The following MAP2 variants were observed in gnomAD, a reference collection of about 807,000 sequenced individuals.
MAP2 encodes microtubule associated protein 2, also known as microtubule-associated protein 2.
A neutral mutation model predicts 137.6 loss-of-function variants in MAP2; 14 were observed. The ratio of observed to expected loss-of-function variants is 0.10; its 90% CI spans 0.07 to 0.16. The LOEUF is 0.16. Among genes scored for constraint, MAP2 ranks in the 10% least tolerant of loss-of-function variants. MAP2 has a pLI of 1.00. For missense variants in MAP2, 2,088 were observed against 2,191.5 expected, an observed-to-expected ratio of 0.95 and a Z score of 0.94; for synonymous variants, 786 against 782.3, an observed-to-expected ratio of 1.00 and a Z score of -0.08.
rs114544372 is a variant in MAP2 at position 209,680,622 on chromosome 2, G to A, written c.377-128G>A. On this transcript the variant is annotated intron_variant, in intron 6 of 15. Coordinates refer to ENST00000682079, the MANE Select transcript of MAP2 (RefSeq NM_001375505.1). ...ATGGGCCTATAAATAAACCAAATGC[G>A]GCTTACTATTGAATCTTTTTCTGAA... The A allele has an allele frequency of 2.4e-3, 1,785 of 754,026 alleles. 22 individuals carry two copies. The African/African-American group carries it at 0.026, about 11-fold the overall frequency. 46.7% of individuals were successfully genotyped at this position (754,026 alleles called of 1,614,324 possible).
intron 7 of MAP2, among the ~76,000 whole-genome samples, chr2:209,689,050 AAATG>A (rs1255016288): frequency 1.6e-4 from 24 of 152,214 alleles, no homozygotes; most frequent in Non-Finnish European, 2.2e-4. Context: ...CTAAATGAGA[AAATG>A]AAAAGCTAAA....
chr2:209,504,678 T>C (rs535103211), intron 1 of MAP2, among the ~76,000 whole-genome samples: 7 of 152,324 alleles, frequency 4.6e-5, no homozygotes, highest in Admixed American at 2.0e-4. Flanking sequence ...ACGTAAAATT[T>C]AACATTTTAA....
intron 5 of MAP2, among the ~76,000 whole-genome samples, chr2:209,659,380 C>G (rs1184319885): frequency 6.6e-6 from 1 of 152,048 alleles, no homozygotes; most frequent in African/African-American, 2.4e-5. Context: ...CTGGAAGGGA[C>G]CAGTGAGATG....
intron 4 of MAP2, among the ~76,000 whole-genome samples, chr2:209,632,155 C>T (rs1377546882): frequency 3.3e-5 from 5 of 152,138 alleles, no homozygotes. Flanking sequence ...TATGTATTTA[C>T]ACCTTCAATA....
At chr2:209,427,365 A>G (rs543309752) in intron 1 of MAP2, among the ~76,000 whole-genome samples, 65 of 152,332 alleles carry the variant, frequency 4.3e-4, no homozygotes, top group African/African-American at 1.5e-3. Flanking sequence ...TGTCTCTGTT[A>G]TAGATTAGTT....
At chr2:209,620,452 T>C (rs919063153) in intron 3 of MAP2, among the ~76,000 whole-genome samples, 21 of 152,218 alleles carry the variant, frequency 1.4e-4, no homozygotes, top group African/African-American at 5.1e-4. Context: ...AAGTTTCCTT[T>C]GCAAGAAACA....
chr2:209,710,352 G>A, intron 13 of MAP2, 98 bp downstream of exon 13: 1 of 1,047,278 alleles, frequency 9.5e-7, no homozygotes. Flanking sequence ...AAGCAGAGGT[G>A]TTAAAGAGCT....
At chr2:209,558,787 G>A (rs987901181) in intron 2 of MAP2, among the ~76,000 whole-genome samples, 4 of 151,548 alleles carry the variant, frequency 2.6e-5, no homozygotes. Context: ...ATTTTGTGAC[G>A]TTAATGTTTC....
At chr2:209,538,197 A>T (rs1449766902) in intron 2 of MAP2, among the ~76,000 whole-genome samples, 1 of 152,222 alleles carries the variant, frequency 6.6e-6, no homozygotes, top group Non-Finnish European at 1.5e-5. Flanking sequence ...TAAATACTTT[A>T]CAAATGGTTA....
intron 2 of MAP2, among the ~76,000 whole-genome samples, chr2:209,544,788 TA>T (rs1399552167): frequency 7.7e-4 from 117 of 152,224 alleles, no homozygotes; most frequent in Admixed American, 2.0e-4. Flanking sequence ...AATCTGTAAG[TA>T]GTCAGCATTG....
intron 3 of MAP2, among the ~76,000 whole-genome samples, chr2:209,595,075 C>T (rs770473714): frequency 1.3e-5 from 2 of 152,032 alleles, no homozygotes; most frequent in Non-Finnish European, 2.9e-5. Flanking sequence ...ATGGTGGTAG[C>T]AGTATTAAAA....
At chr2:209,594,139 A>AG (rs1417957636) in intron 3 of MAP2, among the ~76,000 whole-genome samples, 13 of 146,420 alleles carry the variant, frequency 8.9e-5, no homozygotes, top group African/African-American at 3.2e-4. Flanking sequence ...CAGATGAAAA[A>AG]AAAAAAAAAA....
At position 209,693,000 on chromosome 2, in the gene MAP2, A is replaced by T; in HGVS notation, c.830A>T (p.Glu277Val). ...IEMPTEAKKDEWGLVAPISPG... is the reference protein window; with the variant it reads ...IEMPTEAKKDVWGLVAPISPG... ...ATGCCAACGGAAGCAAAAAAGGATGAGTGGGGTTTAGTTGCCCCCATATCT... is the reference window on the plus strand; with the variant it reads ...ATGCCAACGGAAGCAAAAAAGGATGTGTGGGGTTTAGTTGCCCCCATATCT... The change falls in exon 8 of 16, where the codon GAG becomes GTG. Residue 277 changes from glutamate (E) to valine (V), a missense_variant. Coordinates refer to ENST00000682079, the MANE Select transcript of MAP2 (RefSeq NM_001375505.1). 2 of 1,613,318 alleles carry T rather than the reference A, an allele frequency of 1.2e-6. No individual in the cohort carries two copies. The highest frequency in any genetic ancestry group is 1.7e-6 in the Non-Finnish European group (2 of 1,179,780).
At chr2:209,469,139 T>A (rs75522704) in intron 1 of MAP2, among the ~76,000 whole-genome samples, 1,602 of 152,338 alleles carry the variant, frequency 0.011, 29 homozygotes, top group African/African-American at 0.037. Context: ...CTGAGCTTAT[T>A]TGGGCCTTAT....
chr2:209,565,631 G>GT (rs1470258387), intron 2 of MAP2, among the ~76,000 whole-genome samples: 3 of 152,190 alleles, frequency 2.0e-5, no homozygotes, highest in Admixed American at 6.5e-5. Context: ...CTTATCCAAA[G>GT]TTTTTTTCTT....
intron 1 of MAP2, among the ~76,000 whole-genome samples, chr2:209,447,327 C>G (rs1699310757): frequency 1.3e-5 from 2 of 151,922 alleles, no homozygotes; most frequent in South Asian, 4.1e-4. Context: ...CAAATATTAT[C>G]CTACCTTGAA....
At chr2:209,621,876 T>G (rs1174163143) in intron 3 of MAP2, among the ~76,000 whole-genome samples, 1 of 152,216 alleles carries the variant, frequency 6.6e-6, no homozygotes, top group African/African-American at 2.4e-5. Flanking sequence ...GCACATTGCA[T>G]GCATATCTTA....
intron 1 of MAP2, among the ~76,000 whole-genome samples, chr2:209,457,990 T>C (rs997394789): frequency 1.3e-5 from 2 of 152,200 alleles, no homozygotes; most frequent in African/African-American, 4.8e-5. Flanking sequence ...CCAACTTTTT[T>C]TTGTTAAATT....
chr2:209,452,690 T>C (rs961685344), intron 1 of MAP2, among the ~76,000 whole-genome samples: 5 of 152,194 alleles, frequency 3.3e-5, no homozygotes, highest in Non-Finnish European at 7.4e-5. Context: ...CAGTCCTATC[T>C]CTTATAATGC....
Sources: allele counts gnomAD v4.1 joint callset (sites outside exome capture counted in the v4.1 genomes callset), GRCh38; gene constraint gnomAD v4.1.1; transcripts MANE v1.5; gene names NCBI Gene and HGNC (gene_info 2026-07-23, HGNC 2026-07-21).